GALNT13: variants seen among roughly 807,000 people sequenced by gnomAD.
The protein encoded by GALNT13 is UDP-GalNAc:polypeptide N-acetylgalactosaminyltransferase 13.
In GALNT13, 28 loss-of-function variants were observed where a neutral mutation model predicts 64.2. That is an observed-to-expected ratio of 0.44 (90% confidence interval 0.32 to 0.60). The LOEUF is 0.60. Ranked by LOEUF, GALNT13 falls within the 20% of genes least tolerant of loss-of-function variation. GALNT13 has a pLI of 0.05. For missense variants in GALNT13, 577 were observed against 669.8 expected, an observed-to-expected ratio of 0.86 and a Z score of 1.53; for synonymous variants, 214 against 224.6, an observed-to-expected ratio of 0.95 and a Z score of 0.42.
At chr2:153,596,129 C>T in the GALNT13 span, among the ~76,000 whole-genome samples, 1 of 152,182 alleles carries the variant, frequency 6.6e-6, no homozygotes, top group East Asian at 1.9e-4. Flanking sequence ...CTGTGGCTAA[C>T]AGCCAGAGAG....
chr2:153,295,677 A>C, the GALNT13 span, among the ~76,000 whole-genome samples: 1 of 152,154 alleles, frequency 6.6e-6, no homozygotes, highest in Non-Finnish European at 1.5e-5. Context: ...CTTGCTACTC[A>C]AAGTGTGATC....
chr2:153,647,476 C>T, the GALNT13 span, among the ~76,000 whole-genome samples: 2 of 152,140 alleles, frequency 1.3e-5, no homozygotes, highest in African/African-American at 4.8e-5. Flanking sequence ...TTAATTAGAT[C>T]CCATTTGTCA....
At chr2:153,497,130 A>G in the GALNT13 span, among the ~76,000 whole-genome samples, 2 of 152,170 alleles carry the variant, frequency 1.3e-5, no homozygotes, top group South Asian at 4.1e-4. Context: ...CAATTAAAAC[A>G]TGCCTGTTGG....
At chr2:153,824,917 C>G in the GALNT13 span, among the ~76,000 whole-genome samples, 10 of 152,144 alleles carry the variant, frequency 6.6e-5, no homozygotes, top group East Asian at 1.5e-3. Context: ...TTCCTGAGGT[C>G]TCCCCAGCCA....
the GALNT13 span, among the ~76,000 whole-genome samples, chr2:153,855,684 T>G: frequency 1.3e-5 from 2 of 152,154 alleles, no homozygotes; most frequent in African/African-American, 4.8e-5. Flanking sequence ...TGGCAATTCC[T>G]AAAAATGTTA....
At chr2:153,993,930 T>C (rs150389050) in intron 3 of GALNT13, among the ~76,000 whole-genome samples, 8 of 152,244 alleles carry the variant, frequency 5.3e-5, no homozygotes, top group African/African-American at 1.4e-4. Flanking sequence ...TTTGTTATTA[T>C]TATACTTTAA....
At chr2:154,384,636 A>T (rs1400498029) in intron 9 of GALNT13, among the ~76,000 whole-genome samples, 1 of 151,914 alleles carries the variant, frequency 6.6e-6, no homozygotes, top group African/African-American at 2.4e-5. Context: ...TAAAAATATA[A>T]GCAAAGGAAT....
chr2:153,966,531 A>G (rs1375075643), intron 3 of GALNT13, among the ~76,000 whole-genome samples: 3 of 151,660 alleles, frequency 2.0e-5, no homozygotes, highest in Non-Finnish European at 4.4e-5. Flanking sequence ...ACGCCTGGCT[A>G]ATTTTTTTTT....
chr2:153,254,930 A>G, the GALNT13 span, among the ~76,000 whole-genome samples: 1 of 152,204 alleles, frequency 6.6e-6, no homozygotes. Flanking sequence ...TGGTACTGAA[A>G]AAAATGTATA....
the GALNT13 span, among the ~76,000 whole-genome samples, chr2:153,558,914 T>C: frequency 6.6e-6 from 1 of 152,306 alleles, no homozygotes; most frequent in East Asian, 1.9e-4. Flanking sequence ...AAGCCAGGAA[T>C]AATGGTCAAT....
At chr2:153,311,066 T>C in the GALNT13 span, among the ~76,000 whole-genome samples, 1 of 152,206 alleles carries the variant, frequency 6.6e-6, no homozygotes. Flanking sequence ...CAAGCCCATA[T>C]ATAAGAAGGA....
At chr2:153,983,726 A>C (rs948038795) in intron 3 of GALNT13, among the ~76,000 whole-genome samples, 1 of 151,986 alleles carries the variant, frequency 6.6e-6, no homozygotes, top group Admixed American at 6.6e-5. Flanking sequence ...TGTCCTTGGC[A>C]TTCTATCTCA....
the GALNT13 span, among the ~76,000 whole-genome samples, chr2:153,196,365 A>T: frequency 4.6e-5 from 7 of 151,930 alleles, no homozygotes; most frequent in African/African-American, 1.7e-4. Flanking sequence ...CCAAGGTGGC[A>T]GGGGGCTGTT....
chr2:153,855,529 G>T, the GALNT13 span, among the ~76,000 whole-genome samples: 1 of 152,106 alleles, frequency 6.6e-6, no homozygotes, highest in Non-Finnish European at 1.5e-5. Flanking sequence ...GCACATCAAA[G>T]CCACAATGAG....
rs374317279 is a variant in GALNT13, at chr2:153,885,927, A to T, written c.-177+13624A>T. ...GTTGCTGTGTATATGTTCATGCTTT[A>T]GCATTCTTAACTATGAACATGAATC... On this transcript the variant is annotated intron_variant, in intron 1 of 12. Coordinates refer to ENST00000392825, the MANE Select transcript of GALNT13 (RefSeq NM_052917.4). Among the ~76,000 whole-genome samples, 14 of 152,216 alleles carry T rather than the reference A, an allele frequency of 9.2e-5. No homozygotes were observed. The South Asian group carries it at 2.9e-3, about 32-fold the overall frequency.
rs573519441 is a variant in GALNT13, at chr2:154,173,251, G to A, written c.311+32746G>A. 8.6e-5 allele frequency among the ~76,000 whole-genome samples: 13 copies of A among 151,970 alleles called. No homozygotes were observed. The East Asian group carries it at 1.5e-3, about 18-fold the overall frequency. On this transcript the variant is annotated intron_variant, in intron 4 of 12. Coordinates refer to ENST00000392825, the MANE Select transcript of GALNT13 (RefSeq NM_052917.4). ...GAATGAACAGTCTCTTTGATAAATT[G>A]TGCTGGGGAAACTGGATAACTGTAG...
At chr2:153,270,004 A>T in the GALNT13 span, among the ~76,000 whole-genome samples, 1 of 152,180 alleles carries the variant, frequency 6.6e-6, no homozygotes, top group East Asian at 1.9e-4. Flanking sequence ...CACAGAGCCA[A>T]ACCATATCAG....
At chr2:154,400,222 C>T (rs976966244) in intron 10 of GALNT13, among the ~76,000 whole-genome samples, 4 of 152,122 alleles carry the variant, frequency 2.6e-5, no homozygotes, top group Non-Finnish European at 5.9e-5. Flanking sequence ...AAAAGGTAAT[C>T]TTTCCTTATG....
At chr2:153,985,440 C>T (rs1284580961) in intron 3 of GALNT13, among the ~76,000 whole-genome samples, 1 of 151,904 alleles carries the variant, frequency 6.6e-6, no homozygotes, top group African/African-American at 2.4e-5. Context: ...TCTTGTATAT[C>T]AAGCTTTCCA....
Sources: allele counts gnomAD v4.1 joint callset (sites outside exome capture counted in the v4.1 genomes callset), GRCh38; gene constraint gnomAD v4.1.1; transcripts MANE v1.5; gene names NCBI Gene and HGNC (gene_info 2026-07-23, HGNC 2026-07-21).